The following NEXMIF variants were observed in gnomAD, a reference collection of about 807,000 sequenced individuals.
The protein encoded by NEXMIF is XLMR protein related to neurite extension.
Under a neutral mutation model 62.1 loss-of-function variants are expected in NEXMIF, and 8 were observed. That is an observed-to-expected ratio of 0.13 (90% CI 0.08 to 0.23). The LOEUF (loss-of-function observed/expected upper bound fraction) is 0.23, where lower values mean the gene tolerates loss of function less well. NEXMIF is among the 10% of genes least tolerant of loss of function. The pLI is 1.00. For missense variants in NEXMIF, 976 were observed against 1,113.3 expected (o/e 0.88, Z 1.75); for synonymous variants, 404 against 416.6 (o/e 0.97, Z 0.37).
intron 1 of NEXMIF, among the ~76,000 whole-genome samples, chrX:74,876,477 G>A (rs183878275): frequency 3.6e-5 from 4 of 110,954 alleles, no homozygotes; most frequent in Non-Finnish European, 5.7e-5. Context: ...GTGGATTTGG[G>A]GTGGAGAGTT....
At chrX:74,884,668 G>C (rs775704373) in intron 1 of NEXMIF, among the ~76,000 whole-genome samples, 1 of 111,476 alleles carries the variant, frequency 9.0e-6, no homozygotes. Flanking sequence ...GGCCTACAAA[G>C]TGACTTAGAC....
chrX:74,753,716 C>T (rs1490435647), intron 1 of NEXMIF, among the ~76,000 whole-genome samples: 3 of 62,958 alleles, frequency 4.8e-5, no homozygotes, highest in African/African-American at 2.9e-4. Context: ...CACACACACG[C>T]ACACACACAC....
intron 1 of NEXMIF, among the ~76,000 whole-genome samples, chrX:74,880,036 C>G: frequency 8.9e-6 from 1 of 112,092 alleles, no homozygotes; most frequent in Non-Finnish European, 1.9e-5. Context: ...CTCGTAAGTA[C>G]TCACCATTGA....
At chrX:74,871,362 CAATAAAA>C (rs1237670604) in intron 1 of NEXMIF, among the ~76,000 whole-genome samples, 2 of 110,839 alleles carry the variant, frequency 1.8e-5, no homozygotes, top group Admixed American at 1.9e-4. Flanking sequence ...CTTCAAAGGG[CAATAAAA>C]GATCAAAAGG....
chrX:74,850,416 GCCTGCCAGGA>G (rs1445271792), intron 1 of NEXMIF, among the ~76,000 whole-genome samples: 1 of 112,097 alleles, frequency 8.9e-6, no homozygotes, highest in African/African-American at 3.2e-5. Context: ...GCAACCATTG[GCCTGCCAGGA>G]CCAACTAACA....
At chrX:74,917,550 A>G (rs1228089730) in intron 1 of NEXMIF, among the ~76,000 whole-genome samples, 1 of 111,692 alleles carries the variant, frequency 9.0e-6, no homozygotes, top group Non-Finnish European at 1.9e-5. Context: ...CCTTTAATAT[A>G]TGATGTTAGA....
intron 1 of NEXMIF, among the ~76,000 whole-genome samples, chrX:74,763,859 G>C (rs1395382379): frequency 8.9e-6 from 1 of 111,955 alleles, no homozygotes; most frequent in African/African-American, 3.2e-5. Context: ...AGCTTAAGGA[G>C]ATTTTGGGCT....
chrX:74,843,787 G>T (rs755188544), intron 1 of NEXMIF, among the ~76,000 whole-genome samples: 1 of 112,147 alleles, frequency 8.9e-6, no homozygotes, highest in East Asian at 2.8e-4. Context: ...TGCATTCAAG[G>T]TTAGTATTGA....
intron 1 of NEXMIF, among the ~76,000 whole-genome samples, chrX:74,820,405 TG>T (rs2080391114): frequency 9.0e-6 from 1 of 111,199 alleles, no homozygotes; most frequent in African/African-American, 3.3e-5. Context: ...ATACTGTTGT[TG>T]GGAATGCAAA....
chrX:74,827,350 C>T (rs1295412027), intron 1 of NEXMIF, among the ~76,000 whole-genome samples: 4 of 111,917 alleles, frequency 3.6e-5, no homozygotes, highest in Admixed American at 2.9e-4. Flanking sequence ...CACCTCACTA[C>T]CACCTTCTAA....
chrX:74,861,625 C>T (rs764469105), intron 1 of NEXMIF, among the ~76,000 whole-genome samples: 20 of 111,716 alleles, frequency 1.8e-4, no homozygotes, highest in Admixed American at 1.4e-3. Flanking sequence ...AAGAGAAGTC[C>T]ATCAGACTAA....
At chrX:74,845,739 CCTA>C (rs1418874973) in intron 1 of NEXMIF, among the ~76,000 whole-genome samples, 1 of 110,740 alleles carries the variant, frequency 9.0e-6, no homozygotes, top group Non-Finnish European at 1.9e-5. Context: ...AGTCTTTCCT[CCTA>C]CAAGTGAGCC....
In NEXMIF at chrX:74,894,128, C is replaced by T. The variant is rs779329360; in HGVS notation, c.-48+30755G>A. Among the ~76,000 whole-genome samples, 219 of 100,027 alleles carry T rather than the reference C, an allele frequency of 2.2e-3. 1 individual carries two copies. Among genetic ancestry groups the T allele is most frequent in the Non-Finnish European group, 3.3e-3 (171 of 51,297 alleles). 86.9% of individuals were successfully genotyped at this position (100,027 alleles called of 115,157 possible). Reference sequence around the variant, plus strand: ...GCCACAGAGTGAAAACCCTTCTCTACTAAAAGTACAAAAAAAAAAATATAT... The same window carrying T: ...GCCACAGAGTGAAAACCCTTCTCTATTAAAAGTACAAAAAAAAAAATATAT... On this transcript the variant is annotated intron_variant, in intron 1 of 3. Coordinates refer to ENST00000055682, the MANE Select transcript of NEXMIF (RefSeq NM_001008537.3).
At chrX:74,834,481 T>C (rs893166692) in intron 1 of NEXMIF, among the ~76,000 whole-genome samples, 1 of 112,175 alleles carries the variant, frequency 8.9e-6, no homozygotes, top group Non-Finnish European at 1.9e-5. Flanking sequence ...GCATTTGTTG[T>C]AGGACAGGTC....
chrX:74,743,823 T>C lies in NEXMIF; in HGVS notation c.734A>G (p.Asn245Ser), dbSNP rs772300495. 5 of 1,211,618 alleles carry C rather than the reference T, an allele frequency of 4.1e-6. 1 individual carries two copies. The South Asian group carries it at 8.8e-5, about 21-fold the overall frequency. ...YYEALLLDKC[N>S]TEEALLANSN... ...ATTTGCAAGCAAAGCTTCTTCTGTA[T>C]TGCACTTGTCTAACAGTAATGCCTC... Residue 245 changes from asparagine (N) to serine (S), a missense_variant, in exon 3 of 4, where the codon AAT becomes AGT. Physicochemically the swap from Asn to Ser is conservative, Grantham distance 46. Transcript: ENST00000055682.
At chrX:74,756,314 G>C (rs758169881) in intron 1 of NEXMIF, among the ~76,000 whole-genome samples, 1 of 112,043 alleles carries the variant, frequency 8.9e-6, no homozygotes, top group African/African-American at 3.2e-5. Context: ...TATATATGGG[G>C]AAAGTACTTT....
intron 1 of NEXMIF, among the ~76,000 whole-genome samples, chrX:74,901,674 G>A (rs2080750045): frequency 9.0e-6 from 1 of 111,374 alleles, no homozygotes; most frequent in Admixed American, 9.6e-5. Context: ...CTGAAATGGG[G>A]GCTGTTCTAC....
chrX:74,903,483 T>C (rs1051583207), intron 1 of NEXMIF, among the ~76,000 whole-genome samples: 2 of 109,367 alleles, frequency 1.8e-5, no homozygotes, highest in African/African-American at 6.7e-5. Flanking sequence ...AATTGAAAAA[T>C]TGAAACTGGC....
chrX:74,881,369 AACACAC>A (rs1293120174), intron 1 of NEXMIF, among the ~76,000 whole-genome samples: 1 of 75,995 alleles, frequency 1.3e-5, no homozygotes, highest in Non-Finnish European at 2.3e-5. Context: ...GATAAATTCC[AACACAC>A]ACACACACAT....
Sources: gnomAD v4.1 joint callset for allele counts (sites outside exome capture counted in the v4.1 genomes callset) on GRCh38, gnomAD v4.1.1 for gene constraint, MANE v1.5 for transcripts, NCBI Gene and HGNC (gene_info 2026-07-23, HGNC 2026-07-21) for gene names.